Variants in CHFR observed in about 807,000 individuals in gnomAD.
CHFR encodes the protein E3 ubiquitin-protein ligase CHFR.
CHFR carries 57 observed loss-of-function variants against 87.6 expected under a neutral mutation model. The ratio of observed to expected loss-of-function variants is 0.65; its 90% confidence interval spans 0.53 to 0.81. The LOEUF is 0.81. Ranked by LOEUF, CHFR falls within the 30% of genes least tolerant of loss-of-function variation. CHFR has a pLI of 0.00. For missense variants in CHFR, 797 were observed against 865.8 expected (o/e 0.92, Z 1.00); for synonymous variants, 381 against 359.2 (o/e 1.06, Z -0.69).
Position 132,843,076 on chromosome 12 carries a change from T to TA in CHFR, c.1850dup (p.Thr618AsnfsTer5), listed in dbSNP as rs1476434657. On this transcript the variant is annotated frameshift_variant, in exon 17 of 18. Transcript: ENST00000450056. LOFTEE classifies it high-confidence loss of function. ...CCCAGTAGCAGTCAGGACGGGATGT[T>TA]ACGGCCACTGGAAAAAGAGAAGGGG... The TA allele has an allele frequency of 6.2e-7, 1 of 1,613,202 alleles. No homozygotes were observed. Among genetic ancestry groups the TA allele is most frequent in the Non-Finnish European group, 8.5e-7 (1 of 1,179,686 alleles).
At chr12:132,853,858 G>C (rs1951004163) in intron 10 of CHFR, 1 of 436,926 alleles carries the variant, frequency 2.3e-6, no homozygotes, top group Non-Finnish European at 4.1e-6. Flanking sequence ...GCTCCCAGGA[G>C]ACGACGCCAG....
chr12:132,847,661 A>C, intron 14 of CHFR: 1 of 1,094,242 alleles, frequency 9.1e-7, no homozygotes, highest in Non-Finnish European at 1.1e-6. Context: ...GCGCATGTTA[A>C]ACATATGTAA....
chr12:132,862,454 A>G (rs1490663243), intron 6 of CHFR: 2 of 452,234 alleles, frequency 4.4e-6, no homozygotes, highest in Admixed American at 2.4e-5. Context: ...AGAAAAAAAA[A>G]TTAACTAGGC....
In CHFR at chr12:132,838,769, G is replaced by A. The variant is rs967701427; in HGVS notation, c.*2785C>T. The stretch of plus-strand genomic sequence containing the variant: ...CTGGGTGGGATGGCTGGGTCTTGAG[G>A]ACGAGGAAGTACAGAAGCTCATGAA... On this transcript the variant is annotated 3_prime_UTR_variant, in exon 18 of 18. Coordinates refer to ENST00000450056, the MANE Select transcript of CHFR (RefSeq NM_001161346.2). 2 of 152,250 alleles carry A rather than the reference G, an allele frequency of 1.3e-5. No individual in the cohort carries two copies. The highest frequency in any genetic ancestry group is 4.8e-5 in the African/African-American group (2 of 41,424). 9.4% of individuals were successfully genotyped at this position (152,250 alleles called of 1,614,324 possible).
rs11147105 is a variant in CHFR at position 132,836,447 on chromosome 12, A to T, written c.*5107T>A. 1 of 227,232 alleles carries T rather than the reference A, an allele frequency of 4.4e-6. No homozygotes were observed. Among genetic ancestry groups the T allele is most frequent in the Admixed American group, 6.3e-5 (1 of 15,914 alleles). The allele number at this position is 227,232 out of a possible 1,614,324, so 14.1% of individuals were successfully genotyped here. On this transcript the variant is annotated 3_prime_UTR_variant, in exon 18 of 18. Transcript: ENST00000450056. ...ACAGGCTCCCAGCACGGCGCACGGC[A>T]CTCACAGTGACAGGCTCCCAGCAGG... is the stretch of plus-strand genomic sequence containing the variant.
Position 132,869,820 on chromosome 12 carries a change from T to C in CHFR, c.404-22A>G, listed in dbSNP as rs1283386653. 6 of 1,551,162 alleles carry C rather than the reference T, an allele frequency of 3.9e-6. No individual in the cohort carries two copies. The East Asian group carries it at 9.8e-5, about 25-fold the overall frequency. ...GTATCTTTGGTCCCATGGAACACAT[T>C]TTCCTTGTTAGCTTCTGTAACCCAA... On this transcript the variant is annotated intron_variant, in intron 5 of 17. Coordinates refer to ENST00000450056, the MANE Select transcript of CHFR (RefSeq NM_001161346.2).
intron 3 of CHFR, among the ~76,000 whole-genome samples, chr12:132,875,489 G>A (rs11147135): frequency 0.17 from 26,173 of 152,048 alleles, 2,361 homozygotes; most frequent in South Asian, 0.23. Context: ...TAGGCGTGGC[G>A]GCGGGCACCT....
chr12:132,876,068 C>T (rs1159598869), intron 3 of CHFR, among the ~76,000 whole-genome samples: 1 of 151,548 alleles, frequency 6.6e-6, no homozygotes. Context: ...GCCAGCTACT[C>T]GGGAGGCTGG....
chr12:132,863,409 G>A (rs1324741488), intron 6 of CHFR, among the ~76,000 whole-genome samples: 1 of 151,996 alleles, frequency 6.6e-6, no homozygotes, highest in Non-Finnish European at 1.5e-5. Flanking sequence ...GGGAGGCTGA[G>A]GCAGGAGAAC....
Position 132,844,618 on chromosome 12 carries a change from G to A in CHFR, c.1736-484C>T, listed in dbSNP as rs545432113. Among the ~76,000 whole-genome samples the A allele has an allele frequency of 6.4e-4, 96 of 149,732 alleles. 1 individual carries two copies. In the South Asian group the frequency reaches 7.5e-3, roughly 12 times the overall value. ...TTTTCTTACAGCAAAACAATCCCAC[G>A]TGGATATAACATTTATTTTATTTAT... On this transcript the variant is annotated intron_variant, in intron 15 of 17. Coordinates refer to ENST00000450056, the MANE Select transcript of CHFR (RefSeq NM_001161346.2).
At chr12:132,855,539 C>A (rs914796194) in intron 10 of CHFR, among the ~76,000 whole-genome samples, 1 of 146,504 alleles carries the variant, frequency 6.8e-6, no homozygotes, top group African/African-American at 2.5e-5. Flanking sequence ...TGGTGGCATG[C>A]GCCTGTAGTC....
intron 15 of CHFR, among the ~76,000 whole-genome samples, chr12:132,844,915 G>C (rs1364510767): frequency 6.6e-6 from 1 of 152,114 alleles, no homozygotes; most frequent in Non-Finnish European, 1.5e-5. Flanking sequence ...TTACAGGCGT[G>C]AGCCTCCACG....
chr12:132,872,208 CAGG>C, intron 4 of CHFR, 74 bp downstream of exon 4: 1 of 872,752 alleles, frequency 1.1e-6, no homozygotes, highest in Non-Finnish European at 1.9e-6. Context: ...GGGATGTAGC[CAGG>C]AGGAACGTTC....
chr12:132,841,306 G>C lies in CHFR; in HGVS notation c.*248C>G, dbSNP rs1301770978. 1 of 445,778 alleles carries C rather than the reference G, an allele frequency of 2.2e-6. No individual in the cohort carries two copies. The highest frequency in any genetic ancestry group is 4.0e-6 in the Non-Finnish European group (1 of 250,880). The allele number at this position is 445,778 out of a possible 1,614,324, so 27.6% of individuals were successfully genotyped here. A position where few individuals can be genotyped will look rare whatever the true frequency, so the allele number is the denominator to read the frequency against. ...CATGTTACAGAAAGGCTTCGTCTCTGCTGCTGATGCCACCACGAGCCCTGC... is the reference window on the plus strand; with the variant it reads ...CATGTTACAGAAAGGCTTCGTCTCTCCTGCTGATGCCACCACGAGCCCTGC... On this transcript the variant is annotated 3_prime_UTR_variant, in exon 18 of 18. Coordinates refer to ENST00000450056, the MANE Select transcript of CHFR (RefSeq NM_001161346.2).
At chr12:132,853,826 C>G in intron 10 of CHFR, 1 of 501,974 alleles carries the variant, frequency 2.0e-6, no homozygotes, top group African/African-American at 2.0e-5. Context: ...TCCCCAGGGT[C>G]ACTAGGTCCC....
At chr12:132,873,468 G>A (rs1354484777) in intron 3 of CHFR, among the ~76,000 whole-genome samples, 2 of 152,210 alleles carry the variant, frequency 1.3e-5, no homozygotes, top group Admixed American at 6.5e-5. Context: ...ACTTATACAC[G>A]GGTTTTTTTC....
intron 2 of CHFR, among the ~76,000 whole-genome samples, chr12:132,886,550 G>A (rs1372926497): frequency 2.6e-5 from 4 of 152,110 alleles, no homozygotes; most frequent in Non-Finnish European, 4.4e-5. Flanking sequence ...ACAACCAGAT[G>A]GTCACTTGGG....
chr12:132,871,130 A>G (rs1442961756), intron 4 of CHFR, among the ~76,000 whole-genome samples: 1 of 152,194 alleles, frequency 6.6e-6, no homozygotes, highest in African/African-American at 2.4e-5. Context: ...TATTTGCCCC[A>G]TTCTCCCTCA....
chr12:132,832,873 T>C lies in CHFR; in HGVS notation c.*8681A>G, dbSNP rs1950625960. The C allele has an allele frequency of 6.6e-6, 1 of 152,242 alleles. No individual in the cohort carries two copies. Among genetic ancestry groups the C allele is most frequent in the Admixed American group, 6.5e-5 (1 of 15,280 alleles). The allele number at this position is 152,242 out of a possible 1,614,324, so 9.4% of individuals were successfully genotyped here. A position where few individuals can be genotyped will look rare whatever the true frequency, so the allele number is the denominator to read the frequency against. ...CAACCCAGTTTCCGGATACTTCCGT[T>C]ACCTCAGAAGGATCCTTCTTGCATT... On this transcript the variant is annotated 3_prime_UTR_variant, in exon 18 of 18. Transcript: ENST00000450056.
Sources: allele counts gnomAD v4.1 joint callset (sites outside exome capture counted in the v4.1 genomes callset), GRCh38; gene constraint gnomAD v4.1.1; transcripts MANE v1.5; gene names NCBI Gene and HGNC (gene_info 2026-07-23, HGNC 2026-07-21).